CDC42BPA: variants seen among roughly 807,000 people sequenced by gnomAD.
The protein encoded by CDC42BPA is CDC42 binding protein kinase alpha.
Under a neutral mutation model 223.5 loss-of-function variants are expected in CDC42BPA, and 80 were observed. The ratio of observed to expected loss-of-function variants is 0.36; its 90% CI spans 0.30 to 0.43. The LOEUF (loss-of-function observed/expected upper bound fraction) is 0.43. Ranked by LOEUF, CDC42BPA falls within the 20% of genes least tolerant of loss-of-function variation. The pLI is 1.00. For synonymous variants in CDC42BPA, 694 were observed against 718.6 expected, an observed-to-expected ratio of 0.97 and a Z score of 0.55; for missense variants, 1,743 against 2,099.9, an observed-to-expected ratio of 0.83 and a Z score of 3.32.
At chr1:227,289,382 C>T (rs943416740) in intron 1 of CDC42BPA, among the ~76,000 whole-genome samples, 1 of 152,148 alleles carries the variant, frequency 6.6e-6, no homozygotes, top group Non-Finnish European at 1.5e-5. Context: ...GTGCTCTTAC[C>T]CAAGATAGTC....
chr1:227,037,415 C>A (rs1446891256), intron 24 of CDC42BPA, among the ~76,000 whole-genome samples: 1 of 152,232 alleles, frequency 6.6e-6, no homozygotes, highest in Non-Finnish European at 1.5e-5. Context: ...TCTCTGCTTT[C>A]TTAACCCTGA....
At chr1:227,268,527 T>C (rs1481783970) in intron 1 of CDC42BPA, among the ~76,000 whole-genome samples, 1 of 151,114 alleles carries the variant, frequency 6.6e-6, no homozygotes, top group East Asian at 1.9e-4. Flanking sequence ...TATATGTGTA[T>C]TTTGTATGTG....
At chr1:227,270,888 T>C (rs543964042) in intron 1 of CDC42BPA, among the ~76,000 whole-genome samples, 9 of 152,326 alleles carry the variant, frequency 5.9e-5, no homozygotes, top group Non-Finnish European at 1.2e-4. Context: ...TCAGTGATGT[T>C]GCACAGCATG....
At chr1:227,257,439 T>C (rs1002868579) in intron 1 of CDC42BPA, among the ~76,000 whole-genome samples, 3 of 150,256 alleles carry the variant, frequency 2.0e-5, no homozygotes, top group Non-Finnish European at 2.9e-5. Flanking sequence ...ATGTCAATCA[T>C]GTCAGTAAAG....
At chr1:227,120,448 A>G (rs563459919) in intron 11 of CDC42BPA, among the ~76,000 whole-genome samples, 90 of 152,328 alleles carry the variant, frequency 5.9e-4, no homozygotes, top group Non-Finnish European at 9.7e-4. Flanking sequence ...ATCTAAATCA[A>G]TTCTCCTATT....
chr1:227,112,320 C>A lies in CDC42BPA; in HGVS notation c.1993G>T (p.Gly665Ter). The A allele has an allele frequency of 6.4e-7, 1 of 1,572,380 alleles. No individual in the cohort carries two copies. ...GTGAAGTCAAAAGATACCTTCAGTC[C>A]CTCCAATTCATTTTCCAGTTGCTTA... is the stretch of plus-strand genomic sequence containing the variant. The part of the protein sequence containing the change: ...YSKQLENELE[G>*]LKQKQISYSP... Residue 665 changes from glycine (G) to a stop codon, truncating the protein, a stop_gained, in exon 14 of 37, where the codon GGA (glycine) becomes TGA (stop). Coordinates refer to ENST00000366766, the MANE Select transcript of CDC42BPA (RefSeq NM_001394014.1). LOFTEE classifies it high-confidence loss of function.
At chr1:227,027,513 C>T (rs980257807) in intron 30 of CDC42BPA, among the ~76,000 whole-genome samples, 1 of 152,196 alleles carries the variant, frequency 6.6e-6, no homozygotes, top group African/African-American at 2.4e-5. Context: ...ATATAGACAA[C>T]TTTTCCATGT....
chr1:227,289,626 T>C (rs1364142007), intron 1 of CDC42BPA, among the ~76,000 whole-genome samples: 3 of 152,236 alleles, frequency 2.0e-5, no homozygotes, highest in Non-Finnish European at 4.4e-5. Context: ...TCTCGTTCAC[T>C]GTTGTATCTC....
chr1:227,149,499 CAGAACAAT>C (rs1197396651), intron 6 of CDC42BPA, among the ~76,000 whole-genome samples: 1 of 152,046 alleles, frequency 6.6e-6, no homozygotes, highest in Non-Finnish European at 1.5e-5. Context: ...TCCCAACAAA[CAGAACAAT>C]AGATCCCTAA....
In CDC42BPA at chr1:227,031,345, T is replaced by C. The variant is rs780039718; in HGVS notation, c.3728A>G (p.Asp1243Gly). The change falls in exon 28 of 37, where the codon GAC (aspartate) becomes GGC (glycine). Residue 1243 changes from aspartate (D) to glycine (G), a missense_variant. Asp to Gly is a moderately conservative substitution (Grantham distance 94). Transcript: ENST00000366766. The part of the protein sequence containing the change: ...RSVYVPKEAY[D>G]STLPLIKTTQ... ...TGTTTTAATGAGGGGTAGAGTGCTGTCATAAGCCTCTTTGGGAACATAGAC... is the reference window on the plus strand; with the variant it reads ...TGTTTTAATGAGGGGTAGAGTGCTGCCATAAGCCTCTTTGGGAACATAGAC... 5 of 1,614,026 alleles carry C rather than the reference T, an allele frequency of 3.1e-6. No individual in the cohort carries two copies. The Admixed American group carries it at 6.7e-5, about 22-fold the overall frequency.
At chr1:227,216,277 A>G (rs577498966) in intron 2 of CDC42BPA, among the ~76,000 whole-genome samples, 21 of 152,326 alleles carry the variant, frequency 1.4e-4, no homozygotes, top group Non-Finnish European at 2.5e-4. Context: ...ATGAGGTAGT[A>G]TGGGATACCA....
At chr1:227,104,114 G>C (rs1023185842) in intron 14 of CDC42BPA, among the ~76,000 whole-genome samples, 1 of 151,970 alleles carries the variant, frequency 6.6e-6, no homozygotes, top group African/African-American at 2.4e-5. Context: ...AGCAAATAAA[G>C]AGAGAATTTA....
In CDC42BPA at chr1:226,990,478, G is replaced by C. The variant is rs999860284; in HGVS notation, c.*3790C>G. 2.6e-5 allele frequency: 4 copies of C among 152,302 alleles called. No homozygotes were observed. Among genetic ancestry groups the C allele is most frequent in the African/African-American group, 7.2e-5 (3 of 41,462 alleles). 9.4% of individuals were successfully genotyped at this position (152,302 alleles called of 1,614,324 possible). ...GCTCATCTAGTTCAGGGCTGGGCCA[G>C]AGAGACGGGGGAGTGGAGTGCCCAA... On this transcript the variant is annotated 3_prime_UTR_variant, in exon 37 of 37. Transcript: ENST00000366766.
chr1:227,297,055 A>G (rs1003627933), intron 1 of CDC42BPA, among the ~76,000 whole-genome samples: 1 of 152,202 alleles, frequency 6.6e-6, no homozygotes, highest in African/African-American at 2.4e-5. Flanking sequence ...AGAAATTTCT[A>G]TACCTTCTGC....
rs190399314 is a variant in CDC42BPA at position 227,141,385 on chromosome 1, T to C, written c.1223+1560A>G. ...TTGTAAGCTGATAGAAATGATCTGA[T>C]GATGCAGATGACACAAGAAGAAAAA... On this transcript the variant is annotated intron_variant, in intron 9 of 36. Coordinates refer to ENST00000366766, the MANE Select transcript of CDC42BPA (RefSeq NM_001394014.1). Among the ~76,000 whole-genome samples, 21 of 152,280 alleles carry C rather than the reference T, an allele frequency of 1.4e-4. No individual in the cohort carries two copies. In the East Asian group the frequency reaches 2.3e-3, roughly 17 times the overall value.
At chr1:227,140,280 A>C (rs10916092) in intron 9 of CDC42BPA, among the ~76,000 whole-genome samples, 30,420 of 152,078 alleles carry the variant, frequency 0.2, 3,135 homozygotes, top group Middle Eastern at 0.26. Flanking sequence ...AATAAAGAAA[A>C]TAATGGAGAT....
At chr1:227,105,078 G>T (rs1279124726) in intron 14 of CDC42BPA, among the ~76,000 whole-genome samples, 1 of 151,982 alleles carries the variant, frequency 6.6e-6, no homozygotes, top group Non-Finnish European at 1.5e-5. Context: ...TCATTTAAAA[G>T]TGTAAAATTC....
At chr1:227,115,756 T>C (rs1012350852) in intron 12 of CDC42BPA, among the ~76,000 whole-genome samples, 10 of 152,078 alleles carry the variant, frequency 6.6e-5, no homozygotes, top group African/African-American at 2.4e-4. Context: ...ACTCCATATA[T>C]TGAAAATTTT....
Position 227,017,941 on chromosome 1 carries a change from T to A in CDC42BPA, c.4616-891A>T, listed in dbSNP as rs534358470. ...AAACGAGCCTAGAAGAAAACAAAGG[T>A]GATAATTAGCAGAAATGCAACATGA... On this transcript the variant is annotated intron_variant, in intron 32 of 36. Transcript: ENST00000366766. 3.3e-5 allele frequency among the ~76,000 whole-genome samples: 5 copies of A among 151,902 alleles called. No homozygotes were observed. The South Asian group carries it at 1.0e-3, about 32-fold the overall frequency.
Sources: allele counts gnomAD v4.1 joint callset (sites outside exome capture counted in the v4.1 genomes callset), GRCh38; gene constraint gnomAD v4.1.1; transcripts MANE v1.5; gene names NCBI Gene and HGNC (gene_info 2026-07-23, HGNC 2026-07-21).